SMAP1: variants seen among roughly 807,000 people sequenced by gnomAD.
The protein encoded by SMAP1 is stromal membrane-associated protein 1.
A neutral mutation model predicts 58.5 loss-of-function variants in SMAP1; 24 were observed. The ratio of observed to expected loss-of-function variants is 0.41; its 90% confidence interval spans 0.30 to 0.58. The LOEUF (loss-of-function observed/expected upper bound fraction) is 0.58, where lower values mean the gene tolerates loss of function less well. Among genes scored for constraint, SMAP1 ranks in the 20% least tolerant of loss-of-function variants. The pLI is 0.29. For synonymous variants in SMAP1, 216 were observed against 196.6 expected (o/e 1.10, Z -0.82); for missense variants, 563 against 566.3 (o/e 0.99, Z 0.06).
chr6:70,696,848 C>G (rs1447055888), intron 1 of SMAP1, among the ~76,000 whole-genome samples: 1 of 152,156 alleles, frequency 6.6e-6, no homozygotes, highest in African/African-American at 2.4e-5. Flanking sequence ...GTTGAAATCT[C>G]CAGCTATTAA....
chr6:70,674,113 AT>A (rs985336882), intron 1 of SMAP1, among the ~76,000 whole-genome samples: 28 of 147,792 alleles, frequency 1.9e-4, no homozygotes, highest in Middle Eastern at 3.5e-3. Context: ...GTGCTTTGGC[AT>A]TTTTTTTTTC....
chr6:70,790,517 T>A (rs1030909486), intron 4 of SMAP1, among the ~76,000 whole-genome samples: 5 of 152,150 alleles, frequency 3.3e-5, no homozygotes, highest in African/African-American at 4.8e-5. Flanking sequence ...GCCTTTTTTT[T>A]ATGGAAGATC....
intron 7 of SMAP1, among the ~76,000 whole-genome samples, chr6:70,843,942 G>GA (rs1770894321): frequency 6.6e-6 from 1 of 152,150 alleles, no homozygotes; most frequent in Non-Finnish European, 1.5e-5. Flanking sequence ...GTGGAGAAGG[G>GA]ACTCAAAAAT....
intron 4 of SMAP1, among the ~76,000 whole-genome samples, chr6:70,783,244 G>A (rs1186451205): frequency 1.3e-5 from 2 of 152,220 alleles, no homozygotes; most frequent in African/African-American, 4.8e-5. Context: ...TGAGGGTCCT[G>A]TCTGTTAGAA....
chr6:70,833,955 G>T (rs1317671301), intron 6 of SMAP1, among the ~76,000 whole-genome samples: 1 of 152,108 alleles, frequency 6.6e-6, no homozygotes, highest in Admixed American at 6.5e-5. Context: ...AGTTTCCTAT[G>T]AAAATGGTTG....
chr6:70,813,411 T>C (rs1769475328), intron 6 of SMAP1, among the ~76,000 whole-genome samples: 1 of 152,192 alleles, frequency 6.6e-6, no homozygotes, highest in South Asian at 2.1e-4. Context: ...TATATTTGCA[T>C]AATATATTTT....
chr6:70,797,808 T>G (rs1054842099), intron 5 of SMAP1, among the ~76,000 whole-genome samples: 2 of 152,104 alleles, frequency 1.3e-5, no homozygotes, highest in Non-Finnish European at 2.9e-5. Flanking sequence ...TTTCTTTTTT[T>G]GCTGCCAGGA....
intron 1 of SMAP1, among the ~76,000 whole-genome samples, chr6:70,711,241 C>A (rs1768045806): frequency 6.6e-6 from 1 of 152,062 alleles, no homozygotes. Flanking sequence ...TTATTTACAC[C>A]AGCATTATCA....
chr6:70,737,805 C>T (rs1765672708), intron 2 of SMAP1, among the ~76,000 whole-genome samples: 1 of 152,136 alleles, frequency 6.6e-6, no homozygotes, highest in African/African-American at 2.4e-5. Context: ...AAGAATCATG[C>T]ACTCCCCTTC....
chr6:70,806,599 A>G (rs1769145000), intron 6 of SMAP1, among the ~76,000 whole-genome samples: 2 of 152,170 alleles, frequency 1.3e-5, no homozygotes, highest in Non-Finnish European at 2.9e-5. Flanking sequence ...TCATGCTAGG[A>G]GCTGCAGACC....
At chr6:70,736,993 C>T (rs1765642583) in intron 2 of SMAP1, among the ~76,000 whole-genome samples, 2 of 152,240 alleles carry the variant, frequency 1.3e-5, no homozygotes, top group African/African-American at 2.4e-5. Context: ...CCTCTGCCTT[C>T]TGGCTTCATC....
At chr6:70,798,365 C>A (rs928888511) in intron 5 of SMAP1, among the ~76,000 whole-genome samples, 3 of 151,060 alleles carry the variant, frequency 2.0e-5, no homozygotes, top group African/African-American at 7.3e-5. Context: ...GAATGGAGAT[C>A]TCATTCATTT....
chr6:70,736,688 C>T (rs945579861), intron 2 of SMAP1, among the ~76,000 whole-genome samples: 3 of 152,160 alleles, frequency 2.0e-5, no homozygotes, highest in Admixed American at 2.0e-4. Flanking sequence ...TCCAGTTACT[C>T]TTAAAAACTT....
rs779469579 is a variant in SMAP1 at position 70,754,983 on chromosome 6, A to G, written c.256A>G (p.Met86Val). The change falls in exon 3 of 11, where the codon ATG becomes GTG. Residue 86 changes from methionine to valine, a missense_variant. By Grantham distance (21) the Met-to-Val change is conservative. Around this residue, in one of 3 missense-constraint regions of SMAP1, gnomAD observed 494 missense variants for 473.8 expected, o/e 1.04. Coordinates refer to ENST00000370455, the MANE Select transcript of SMAP1 (RefSeq NM_001044305.3). The stretch of plus-strand genomic sequence containing the variant: ...TAAAAAATTTTTTTTATTATAGTGC[A>G]TGCAAGATATGGGAAATACTAAAGC... ...DQWTAEQIQC[M>V]QDMGNTKARL... The G allele has an allele frequency of 1.9e-6, 3 of 1,605,098 alleles. No individual in the cohort carries two copies. Among genetic ancestry groups the G allele is most frequent in the South Asian group, 1.1e-5 (1 of 89,864 alleles).
rs1771744518 is a variant in SMAP1, at chr6:70,861,801, AG to A, written c.*1469del. 1.2e-6 allele frequency: 2 copies of A among 1,613,918 alleles called. No homozygotes were observed. On this transcript the variant is annotated 3_prime_UTR_variant, in exon 11 of 11. Coordinates refer to ENST00000370455, the MANE Select transcript of SMAP1 (RefSeq NM_001044305.3). ...AGCGCACTCTTCATGGTGACACTCG[AG>A]GTCGGGCAGCACAAGTGTAATGAAT... is the stretch of plus-strand genomic sequence containing the variant.
At chr6:70,689,959 A>C (rs1010848768) in intron 1 of SMAP1, among the ~76,000 whole-genome samples, 16 of 152,034 alleles carry the variant, frequency 1.1e-4, no homozygotes, top group African/African-American at 3.9e-4. Flanking sequence ...TTTTTCGTGG[A>C]TTCTATTAGG....
intron 4 of SMAP1, among the ~76,000 whole-genome samples, chr6:70,775,851 T>C (rs35293093): frequency 0.13 from 19,331 of 152,146 alleles, 1,526 homozygotes; most frequent in South Asian, 0.2. Flanking sequence ...AATAAATAAG[T>C]TTATATTGTA....
intron 5 of SMAP1, among the ~76,000 whole-genome samples, chr6:70,796,778 A>G (rs1161899698): frequency 6.6e-6 from 1 of 152,206 alleles, no homozygotes; most frequent in African/African-American, 2.4e-5. Flanking sequence ...CTCTTCTGGT[A>G]ACTAAAGCAT....
rs1402513073 is a variant in SMAP1 at position 70,730,903 on chromosome 6, G to A, written c.119-1475G>A. ...CAATCTCTGCCTCTGAGGTTCAAGT[G>A]ATTCTCTTGCCTCAGCCTCCTGAGG... On this transcript the variant is annotated intron_variant, in intron 1 of 10. Coordinates refer to ENST00000370455, the MANE Select transcript of SMAP1 (RefSeq NM_001044305.3). Among the ~76,000 whole-genome samples the A allele has an allele frequency of 4.6e-5, 7 of 152,188 alleles. No homozygotes were observed. In the East Asian group the frequency reaches 1.3e-3, roughly 29 times the overall value.
Sources: gnomAD v4.1 joint callset for allele counts (sites outside exome capture counted in the v4.1 genomes callset) on GRCh38, gnomAD v4.1.1 for gene constraint, gnomAD v4.1.1 regional missense constraint, MANE v1.5 for transcripts, NCBI Gene and HGNC (gene_info 2026-07-23, HGNC 2026-07-21) for gene names.